The following MAD1L1 variants were observed in gnomAD, a reference collection of about 807,000 sequenced individuals.
The protein encoded by MAD1L1 is mitotic spindle assembly checkpoint protein MAD1.
A neutral mutation model predicts 96.9 loss-of-function variants in MAD1L1; 95 were observed. The observed-to-expected ratio is 0.98, with a 90% CI of 0.83 to 1.16. The LOEUF (loss-of-function observed/expected upper bound fraction) is 1.16, where lower values mean the gene tolerates loss of function less well. Ranked by LOEUF, MAD1L1 falls within the 50% of genes most tolerant of loss-of-function variation. The pLI is 0.00. For synonymous variants in MAD1L1, 473 were observed against 396.6 expected, an observed-to-expected ratio of 1.19 and a Z score of -2.29; for missense variants, 1,007 against 954.4, an observed-to-expected ratio of 1.06 and a Z score of -0.73.
chr7:1,943,305 C>CG (rs1779084495), intron 16 of MAD1L1, among the ~76,000 whole-genome samples: 2 of 152,216 alleles, frequency 1.3e-5, no homozygotes, highest in Non-Finnish European at 2.9e-5. Flanking sequence ...CAAAGGACGC[C>CG]AGTGACAGGC....
intron 10 of MAD1L1, among the ~76,000 whole-genome samples, chr7:2,179,889 T>A (rs1415769210): frequency 6.6e-6 from 1 of 151,582 alleles, no homozygotes; most frequent in Non-Finnish European, 1.5e-5. Context: ...GAGAATCGCT[T>A]GAACCTGGGA....
In MAD1L1 at chr7:2,139,696, G is replaced by A. The variant is rs191773053; in HGVS notation, c.1073+9456C>T. ...CTCTCCTTCAAGGCTGATGGGGGAG[G>A]AAGCCGGGCTTCGGCAGACCCCCGT... On this transcript the variant is annotated intron_variant, in intron 11 of 18. Transcript: ENST00000265854. Among the ~76,000 whole-genome samples, 120 of 152,314 alleles carry A rather than the reference G, an allele frequency of 7.9e-4. 2 individuals are homozygous for A. The East Asian group carries it at 0.02, about 26-fold the overall frequency.
chr7:1,943,426 G>A (rs1341408229), intron 16 of MAD1L1, among the ~76,000 whole-genome samples: 1 of 152,124 alleles, frequency 6.6e-6, no homozygotes, highest in Non-Finnish European at 1.5e-5. Context: ...AATAGGCAAG[G>A]CGTCTGCAGA....
intron 10 of MAD1L1, among the ~76,000 whole-genome samples, chr7:2,207,026 CA>C (rs1339286081): frequency 7.0e-6 from 1 of 143,868 alleles, no homozygotes; most frequent in African/African-American, 2.6e-5. Flanking sequence ...TGCAGTAAGC[CA>C]AGATCGCACC....
chr7:1,902,749 C>T (rs185740131), intron 17 of MAD1L1, among the ~76,000 whole-genome samples: 3 of 152,352 alleles, frequency 2.0e-5, no homozygotes, highest in East Asian at 1.9e-4. Context: ...GGCACCGTTC[C>T]AGAAAGCAAG....
chr7:2,116,919 G>C (rs533170797), intron 11 of MAD1L1, among the ~76,000 whole-genome samples: 101 of 152,342 alleles, frequency 6.6e-4, no homozygotes, highest in African/African-American at 2.2e-3. Flanking sequence ...AGACAAAGAA[G>C]TATTTGCAAT....
intron 10 of MAD1L1, among the ~76,000 whole-genome samples, chr7:2,188,373 G>A (rs906611125): frequency 2.0e-5 from 3 of 152,134 alleles, no homozygotes; most frequent in Non-Finnish European, 2.9e-5. Flanking sequence ...GGGACCCAAA[G>A]GTCCCTCGCC....
intron 12 of MAD1L1, among the ~76,000 whole-genome samples, chr7:2,019,512 G>A (rs535305687): frequency 6.6e-6 from 1 of 152,260 alleles, no homozygotes; most frequent in African/African-American, 2.4e-5. Flanking sequence ...CAAAACGGGG[G>A]CACGAATGCC....
chr7:2,140,495 C>T (rs1051527614), intron 11 of MAD1L1, among the ~76,000 whole-genome samples: 13 of 152,228 alleles, frequency 8.5e-5, no homozygotes, highest in African/African-American at 2.9e-4. Context: ...CGCCGAGTGA[C>T]CAGGGAGAAG....
rs188367842 is a variant in MAD1L1, at chr7:1,885,733, G to A, written c.1998+12467C>T. Reference sequence around the variant, plus strand: ...TCTGACTGCTGCCCCGTGGAGCAGAGGCAGATCCCCGAGGGCTCGGCAGCC... The same window carrying A: ...TCTGACTGCTGCCCCGTGGAGCAGAAGCAGATCCCCGAGGGCTCGGCAGCC... On this transcript the variant is annotated intron_variant, in intron 18 of 18. Coordinates refer to ENST00000265854, the MANE Select transcript of MAD1L1 (RefSeq NM_001013836.2). Among the ~76,000 whole-genome samples the A allele has an allele frequency of 2.6e-5, 4 of 152,330 alleles. No homozygotes were observed. The East Asian group carries it at 7.7e-4, about 29-fold the overall frequency.
chr7:2,072,717 T>C (rs1205636294), intron 11 of MAD1L1, among the ~76,000 whole-genome samples: 3 of 152,180 alleles, frequency 2.0e-5, no homozygotes, highest in Non-Finnish European at 4.4e-5. Context: ...ATGTGACAGG[T>C]GCTGTCTTTC....
At chr7:1,952,135 G>A (rs1029820887) in intron 16 of MAD1L1, among the ~76,000 whole-genome samples, 1 of 152,184 alleles carries the variant, frequency 6.6e-6, no homozygotes, top group Non-Finnish European at 1.5e-5. Context: ...AGGAAGCTCC[G>A]ATTAAAACAG....
rs543825575 is a variant in MAD1L1 at position 1,855,183 on chromosome 7, T to TC, written c.1999-38956dup. ...CCAAGTCGACAGCCTCCCTCATCCT[T>TC]CCCGTCTCCCTCCTCTTTGGTTCCA... On this transcript the variant is annotated intron_variant, in intron 18 of 18. Transcript: ENST00000265854. 1.9e-3 allele frequency among the ~76,000 whole-genome samples: 296 copies of TC among 152,166 alleles called. 1 individual carries two copies. The highest frequency in any genetic ancestry group is 4.0e-3 in the Non-Finnish European group (271 of 67,990).
chr7:2,094,803 A>C (rs1786397632), intron 11 of MAD1L1, among the ~76,000 whole-genome samples: 1 of 152,070 alleles, frequency 6.6e-6, no homozygotes, highest in African/African-American at 2.4e-5. Context: ...ATAGAGACCA[A>C]ACACGGCAAA....
chr7:2,186,823 T>C (rs1791482806), intron 10 of MAD1L1, among the ~76,000 whole-genome samples: 1 of 150,782 alleles, frequency 6.6e-6, no homozygotes, highest in South Asian at 2.1e-4. Context: ...AGACGGACTC[T>C]CGCTCTGTCC....
intron 11 of MAD1L1, among the ~76,000 whole-genome samples, chr7:2,147,625 C>T (rs570265334): frequency 6.6e-6 from 1 of 152,344 alleles, no homozygotes; most frequent in East Asian, 1.9e-4. Flanking sequence ...CCAAGACTCA[C>T]CCTTCCCCAG....
At chr7:1,922,525 C>A (rs1222893067) in intron 17 of MAD1L1, among the ~76,000 whole-genome samples, 2 of 152,196 alleles carry the variant, frequency 1.3e-5, no homozygotes, top group Non-Finnish European at 2.9e-5. Context: ...CACAGAAATC[C>A]CGGGTGAACT....
intron 11 of MAD1L1, among the ~76,000 whole-genome samples, chr7:2,147,465 G>A (rs1358892057): frequency 6.6e-6 from 1 of 152,246 alleles, no homozygotes; most frequent in Non-Finnish European, 1.5e-5. Context: ...ACACATGAAA[G>A]CAAGCTGGAA....
chr7:1,871,422 C>A (rs1379141862), intron 18 of MAD1L1, among the ~76,000 whole-genome samples: 7 of 149,340 alleles, frequency 4.7e-5, no homozygotes, highest in African/African-American at 1.7e-4. Flanking sequence ...CATACGCCTG[C>A]CAAGCTGAAC....
Sources: allele counts gnomAD v4.1 joint callset (sites outside exome capture counted in the v4.1 genomes callset), GRCh38; gene constraint gnomAD v4.1.1; transcripts MANE v1.5; gene names NCBI Gene and HGNC (gene_info 2026-07-23, HGNC 2026-07-21).